The following REXO2 variants were observed in gnomAD, a reference collection of about 807,000 sequenced individuals.
REXO2 encodes the protein oligoribonuclease, mitochondrial.
Under a neutral mutation model 30.9 loss-of-function variants are expected in REXO2, and 17 were observed. That is an observed-to-expected ratio of 0.55 (90% CI 0.38 to 0.82). The LOEUF (loss-of-function observed/expected upper bound fraction) is 0.82. Among genes scored for constraint, REXO2 ranks in the 40% least tolerant of loss-of-function variants. The pLI is 0.00. For missense variants in REXO2, 253 were observed against 293.2 expected (o/e 0.86, Z 1.00); for synonymous variants, 105 against 99.6 (o/e 1.05, Z -0.32).
At chr11:114,449,706 T>A (rs1946533255) in intron 6 of REXO2, 140 bp from the exon 7 acceptor site, 5 of 750,984 alleles carry the variant, frequency 6.7e-6, no homozygotes, top group Non-Finnish European at 1.0e-5. Context: ...TCTGAAATGT[T>A]CTACTTTTGA....
intron 2 of REXO2, among the ~76,000 whole-genome samples, chr11:114,442,566 C>T (rs1946485664): frequency 6.6e-6 from 1 of 152,118 alleles, no homozygotes; most frequent in Non-Finnish European, 1.5e-5. Context: ...CCATTTCTTT[C>T]AGTGATTGTG....
At chr11:114,441,762 G>A (rs773566033) in intron 2 of REXO2, 2 of 702,220 alleles carry the variant, frequency 2.8e-6, no homozygotes, top group South Asian at 3.0e-5. Flanking sequence ...AGGTGAGGAC[G>A]TATTTCTAGA....
rs1299977329 is a variant in REXO2 at position 114,450,066 on chromosome 11, C to G, written c.*91C>G. The G allele has an allele frequency of 5.3e-6, 7 of 1,321,400 alleles. No individual in the cohort carries two copies. Among genetic ancestry groups the G allele is most frequent in the Non-Finnish European group, 6.2e-6 (6 of 966,162 alleles). 81.9% of individuals were successfully genotyped at this position (1,321,400 alleles called of 1,614,324 possible). ...CGCTGATGGCTTGGCAGAGCACCTT[C>G]GGTTAACTTGCATCTCCAGATTGAT... is the stretch of plus-strand genomic sequence containing the variant. On this transcript the variant is annotated 3_prime_UTR_variant, in exon 7 of 7. Transcript: ENST00000265881.
At chr11:114,444,716 TC>T in intron 4 of REXO2, 64 bp downstream of exon 4, 3 of 1,055,588 alleles carry the variant, frequency 2.8e-6, no homozygotes, top group Non-Finnish European at 3.9e-6. Flanking sequence ...AGACTGCAGT[TC>T]CAGAAAGACT....
intron 2 of REXO2, 113 bp downstream of exon 2, chr11:114,440,852 T>A: frequency 1.3e-6 from 1 of 766,602 alleles, no homozygotes; most frequent in East Asian, 2.6e-5. Flanking sequence ...CTATATGGGT[T>A]AAGGTAATGT....
At chr11:114,444,916 C>T (rs1946502817) in intron 4 of REXO2, among the ~76,000 whole-genome samples, 1 of 152,178 alleles carries the variant, frequency 6.6e-6, no homozygotes, top group Non-Finnish European at 1.5e-5. Flanking sequence ...GGAAAAATTT[C>T]ACATGCACAG....
Position 114,439,532 on chromosome 11 carries a change from C to G in REXO2, c.4C>G (p.Leu2Val), listed in dbSNP as rs746597919. ...CCGTGGCTGCTGGTCCCGGGTGATG[C>G]TAGGCGGCTCCCTGGGCTCCAGGCT... M[L>V]GGSLGSRLLR... The change falls in exon 1 of 7, where the codon CTA becomes GTA. Residue 2 changes from leucine to valine, a missense_variant. Leu to Val is a conservative substitution (Grantham distance 32). Transcript: ENST00000265881. 1.9e-6 allele frequency: 3 copies of G among 1,606,544 alleles called. No homozygotes were observed. The highest frequency in any genetic ancestry group is 3.3e-5 in the Admixed American group (2 of 59,944).
At chr11:114,449,766 T>G in intron 6 of REXO2, 80 bp from the exon 7 acceptor site, 1 of 1,468,404 alleles carries the variant, frequency 6.8e-7, no homozygotes, top group Non-Finnish European at 9.2e-7. Context: ...CTTAAGTCGT[T>G]TTTTAAAAGT....
Position 114,440,725 on chromosome 11 carries a change from A to T in REXO2, c.217A>T (p.Asn73Tyr), listed in dbSNP as rs1220515864. ...MACLITDSDLNILAEGPNLII... is the reference protein window; with the variant it reads ...MACLITDSDLYILAEGPNLII... ...CTGTCTGATAACTGACTCTGATCTC[A>T]ACATTTTGGCTGAAGTACGTGATGC... Residue 73 changes from asparagine to tyrosine, a missense_variant, in exon 2 of 7, where the codon AAC becomes TAC. By Grantham distance (143) the Asn-to-Tyr change is moderately radical. Transcript: ENST00000265881. 1 of 1,613,258 alleles carries T rather than the reference A, an allele frequency of 6.2e-7. No individual in the cohort carries two copies.
At chr11:114,443,411 C>G (rs1229190474) in intron 2 of REXO2, among the ~76,000 whole-genome samples, 1 of 151,954 alleles carries the variant, frequency 6.6e-6, no homozygotes, top group Non-Finnish European at 1.5e-5. Context: ...GGCCTAGACA[C>G]TTTTCAAAAT....
intron 2 of REXO2, chr11:114,440,982 T>A: frequency 2.5e-6 from 1 of 395,198 alleles, no homozygotes; most frequent in South Asian, 3.9e-5. Flanking sequence ...AAACATAAAT[T>A]CTGTCGTTTA....
chr11:114,439,540 C>G lies in REXO2; in HGVS notation c.12C>G (p.Gly4=), dbSNP rs748496427. 12 of 1,607,468 alleles carry G rather than the reference C, an allele frequency of 7.5e-6. No individual in the cohort carries two copies. The South Asian group carries it at 1.1e-4, about 15-fold the overall frequency. Residue 4 remains glycine, a synonymous_variant, in exon 1 of 7, where the codon GGC becomes GGG. Coordinates refer to ENST00000265881, the MANE Select transcript of REXO2 (RefSeq NM_015523.4). The part of the protein sequence containing the change: MLG[G]SLGSRLLRGV... ...GCTGGTCCCGGGTGATGCTAGGCGG[C>G]TCCCTGGGCTCCAGGCTGTTGCGGG... is the stretch of plus-strand genomic sequence containing the variant.
rs2134789602 is a variant in REXO2 at position 114,450,036 on chromosome 11, T to C, written c.*61T>C. The C allele has an allele frequency of 6.6e-7, 1 of 1,522,568 alleles. No individual in the cohort carries two copies. Among genetic ancestry groups the C allele is most frequent in the Non-Finnish European group, 8.8e-7 (1 of 1,133,928 alleles). 94.3% of individuals were successfully genotyped at this position (1,522,568 alleles called of 1,614,324 possible). ...GAGGCAACTTCTGGTGGTTTTTTTT[T>C]CTCACGCTGATGGCTTGGCAGAGCA... On this transcript the variant is annotated 3_prime_UTR_variant, in exon 7 of 7. Transcript: ENST00000265881.
rs76877810 is a variant in REXO2, at chr11:114,447,844, A to T, written c.549A>T (p.Glu183Asp). The T allele has an allele frequency of 6.2e-7, 1 of 1,613,844 alleles. No individual in the cohort carries two copies. Among genetic ancestry groups the T allele is most frequent in the African/African-American group, 1.3e-5 (1 of 75,018 alleles). The change falls in exon 6 of 7, where the codon GAA becomes GAT. Residue 183 changes from glutamate to aspartate, a missense_variant. Coordinates refer to ENST00000265881, the MANE Select transcript of REXO2 (RefSeq NM_015523.4). ...TGTATAGACGCTGGTATCCAGAAGA[A>T]TATGAATTTGCACCAAAGAAGGCTG... ...KELCRRWYPE[E>D]YEFAPKKAAS...
rs1399971694 is a variant in REXO2 at position 114,444,203 on chromosome 11, T to G, written c.309+270T>G. ...TGTCAAGTATTACTCAAGTCAGTCT[T>G]TTGGATAAGGTTAGACATCAACTTT... On this transcript the variant is annotated intron_variant, in intron 3 of 6. Coordinates refer to ENST00000265881, the MANE Select transcript of REXO2 (RefSeq NM_015523.4). 6.5e-6 allele frequency: 4 copies of G among 611,026 alleles called. No individual in the cohort carries two copies. The Admixed American group carries it at 8.5e-5, about 13-fold the overall frequency. The allele number at this position is 611,026 out of a possible 1,614,324, so 37.9% of individuals were successfully genotyped here. A position where few individuals can be genotyped will look rare whatever the true frequency, so the allele number is the denominator to read the frequency against.
At chr11:114,439,814 C>A in intron 1 of REXO2, 139 bp downstream of exon 1, 2 of 1,040,008 alleles carry the variant, frequency 1.9e-6, no homozygotes, top group Non-Finnish European at 2.7e-6. Flanking sequence ...ACGGGCGGTG[C>A]AGGGCAAGTC....
chr11:114,446,013 C>G lies in REXO2; in HGVS notation c.456C>G (p.Asp152Glu), dbSNP rs1946507836. The G allele has an allele frequency of 1.2e-6, 2 of 1,608,694 alleles. No individual in the cohort carries two copies. The highest frequency in any genetic ancestry group is 2.7e-5 in the African/African-American group (2 of 74,756). The change falls in exon 5 of 7, where the codon GAC (aspartate) becomes GAG (glutamate). Residue 152 changes from aspartate (D) to glutamate (E), a missense_variant. Asp to Glu is a conservative substitution (Grantham distance 45). Transcript: ENST00000265881. The part of the protein sequence containing the change: ...NSVHEDKKFL[D>E]KYMPQFMKHL... ...TTCATGAAGATAAGAAGTTTCTTGA[C>G]AAATACATGCCCCAGTTCATGAAAC... is the stretch of plus-strand genomic sequence containing the variant.
In REXO2 at chr11:114,439,647, C is replaced by A; in HGVS notation, c.119C>A (p.Ala40Asp). Residue 40 changes from alanine to aspartate, a missense_variant, in exon 1 of 7, where the codon GCT (alanine) becomes GAT (aspartate). Coordinates refer to ENST00000265881, the MANE Select transcript of REXO2 (RefSeq NM_015523.4). ...GCCATGGCGGCAGGGGAGAGCATGG[C>A]TCAGCGGATGGTCTGGGTGGACCTG... ...GAAMAAGESM[A>D]QRMVWVDLEM... is the part of the protein sequence containing the mutation. 6.3e-7 allele frequency: 1 copy of A among 1,586,196 alleles called. No homozygotes were observed. The highest frequency in any genetic ancestry group is 1.8e-4 in the Middle Eastern group (1 of 5,702).
At chr11:114,441,496 C>T (rs1021886539) in intron 2 of REXO2, among the ~76,000 whole-genome samples, 1 of 152,186 alleles carries the variant, frequency 6.6e-6, no homozygotes, top group African/African-American at 2.4e-5. Context: ...ATTTCAGCCA[C>T]TCATGAAACA....
Sources: allele counts gnomAD v4.1 joint callset (sites outside exome capture counted in the v4.1 genomes callset), GRCh38; gene constraint gnomAD v4.1.1; transcripts MANE v1.5; gene names NCBI Gene and HGNC (gene_info 2026-07-23, HGNC 2026-07-21).